Variants in DNAH3 observed in about 807,000 individuals in gnomAD.
The protein encoded by DNAH3 is axonemal beta dynein heavy chain 3.
A neutral mutation model predicts 432.5 loss-of-function variants in DNAH3; 332 were observed. The ratio of observed to expected loss-of-function variants is 0.77; its 90% CI spans 0.70 to 0.84. The LOEUF (loss-of-function observed/expected upper bound fraction) is 0.84. DNAH3 is among the 40% of genes least tolerant of loss of function. The pLI is 0.00. For missense variants in DNAH3, 4,861 were observed against 5,114.0 expected (o/e 0.95, Z 1.51); for synonymous variants, 1,956 against 1,900.2 (o/e 1.03, Z -0.76).
At chr16:21,152,769 C>T (rs2092868714) in intron 1 of DNAH3, among the ~76,000 whole-genome samples, 1 of 152,226 alleles carries the variant, frequency 6.6e-6, no homozygotes, top group South Asian at 2.1e-4. Flanking sequence ...TGTACTGGGT[C>T]CCCCAGCAGT....
intron 19 of DNAH3, among the ~76,000 whole-genome samples, chr16:21,083,821 A>C (rs1002397664): frequency 1.7e-4 from 26 of 152,010 alleles, no homozygotes; most frequent in African/African-American, 5.1e-4. Context: ...TGTGACCTAC[A>C]TACACTGCAG....
At chr16:20,972,966 T>C (rs545280057) in intron 51 of DNAH3, among the ~76,000 whole-genome samples, 1 of 151,770 alleles carries the variant, frequency 6.6e-6, no homozygotes, top group African/African-American at 2.4e-5. Context: ...TGACCTAAAG[T>C]GATGCACCTG....
chr16:21,048,137 G>A (rs1337601950), intron 31 of DNAH3, among the ~76,000 whole-genome samples: 1 of 152,250 alleles, frequency 6.6e-6, no homozygotes, highest in Non-Finnish European at 1.5e-5. Flanking sequence ...TTGTTTGTCT[G>A]TGCCCTGCCC....
chr16:21,089,750 C>T (rs941441413), intron 18 of DNAH3, among the ~76,000 whole-genome samples: 5 of 151,434 alleles, frequency 3.3e-5, no homozygotes, highest in African/African-American at 1.2e-4. Context: ...CAAGTTTCTA[C>T]CTTAAGTAAC....
rs375474549 is a variant in DNAH3, at chr16:20,965,312, G to A, written c.8572C>T (p.Arg2858Trp). Reference sequence around the variant, plus strand: ...TGATTGATAAACCTTTCCCGGATCCGCTTCATGGTCAGTGGGGGGATGTTG... The same window carrying A: ...TGATTGATAAACCTTTCCCGGATCCACTTCATGGTCAGTGGGGGGATGTTG... Residue 2858 changes from arginine to tryptophan, a missense_variant, in exon 53 of 62, where the codon CGG becomes TGG. By Grantham distance (101) the Arg-to-Trp change is moderately radical. Transcript: ENST00000261383. The A allele has an allele frequency of 5.0e-5, 80 of 1,612,334 alleles. No homozygotes were observed. Among genetic ancestry groups the A allele is most frequent in the Non-Finnish European group, 5.9e-5 (69 of 1,178,952 alleles).
chr16:21,042,553 ACT>A (rs1377993898), intron 31 of DNAH3, among the ~76,000 whole-genome samples: 1 of 151,174 alleles, frequency 6.6e-6, no homozygotes, highest in African/African-American at 2.4e-5. Flanking sequence ...AGAATTATAC[ACT>A]CTTTTGTGAT....
At chr16:21,157,559 G>A (rs983782342) in intron 1 of DNAH3, among the ~76,000 whole-genome samples, 17 of 151,988 alleles carry the variant, frequency 1.1e-4, no homozygotes, top group African/African-American at 3.9e-4. Flanking sequence ...GGAACTCCTG[G>A]CCTCAAGTGA....
intron 14 of DNAH3, 46 bp from the exon 15 acceptor site, chr16:21,106,720 C>A: frequency 7.3e-7 from 1 of 1,361,156 alleles, no homozygotes. Context: ...TCATCACCAT[C>A]ATCACCATCT....
chr16:20,963,668 G>C, exon 53 of DNAH3: 1 of 1,613,986 alleles, frequency 6.2e-7, no homozygotes, highest in South Asian at 1.1e-5. Context: ...TTGGGGTAGG[G>C]GTTATCCAGT....
At chr16:21,030,031 G>T (rs1003543795) in intron 37 of DNAH3, among the ~76,000 whole-genome samples, 4 of 151,968 alleles carry the variant, frequency 2.6e-5, no homozygotes, top group African/African-American at 4.8e-5. Flanking sequence ...TCACTGTGTT[G>T]CTCAAACTGG....
intron 44 of DNAH3, among the ~76,000 whole-genome samples, chr16:20,992,257 C>G (rs2086589010): frequency 6.6e-6 from 1 of 152,156 alleles, no homozygotes; most frequent in African/African-American, 2.4e-5. Context: ...TGTTGACAAC[C>G]AAGTCCTTTT....
exon 36 of DNAH3, chr16:21,034,013 A>G: frequency 6.2e-7 from 1 of 1,613,768 alleles, no homozygotes; most frequent in Non-Finnish European, 8.5e-7. Context: ...AACACTTTAT[A>G]AGCAGAGGTC....
At chr16:21,010,307 T>C (rs2087529524) in intron 41 of DNAH3, among the ~76,000 whole-genome samples, 1 of 152,108 alleles carries the variant, frequency 6.6e-6, no homozygotes, top group East Asian at 1.9e-4. Context: ...TGGTAATGAA[T>C]TGGTAAATGA....
chr16:21,140,674 G>A, exon 5 of DNAH3: 6 of 1,614,080 alleles, frequency 3.7e-6, no homozygotes, highest in Non-Finnish European at 5.1e-6. Context: ...CCTTCTTCAT[G>A]GGTGAGAAGA....
At chr16:21,145,093 C>A in intron 3 of DNAH3, 88 bp downstream of exon 4, 1 of 1,183,364 alleles carries the variant, frequency 8.5e-7, no homozygotes, top group South Asian at 1.4e-5. Flanking sequence ...GCCTGGGCGA[C>A]AGAGTGAGAC....
At chr16:21,132,633 C>T (rs4783525) in intron 7 of DNAH3, among the ~76,000 whole-genome samples, 42,920 of 152,078 alleles carry the variant, frequency 0.28, 6,195 homozygotes, top group African/African-American at 0.34. Context: ...TGAAAGACAC[C>T]AGACACAAAA....
At chr16:20,981,735 GATAAATAAATAA>G (rs907707159) in intron 49 of DNAH3, among the ~76,000 whole-genome samples, 1 of 151,326 alleles carries the variant, frequency 6.6e-6, no homozygotes, top group Admixed American at 6.6e-5. Context: ...AAAATAAATA[GATAAATAAATAA>G]ATAAATAAAA....
At chr16:21,134,431 T>C (rs762165229) in exon 7 of DNAH3, 22 of 1,613,890 alleles carry the variant, frequency 1.4e-5, no homozygotes, top group East Asian at 6.7e-5. Context: ...TTTCTCTCCA[T>C]TGGGTCCATG....
chr16:21,087,499 C>T lies in DNAH3; in HGVS notation c.2666-439G>A, dbSNP rs370786297. Among the ~76,000 whole-genome samples, 5 of 151,464 alleles carry T rather than the reference C, an allele frequency of 3.3e-5. No homozygotes were observed. In the South Asian group the frequency reaches 6.3e-4, roughly 19 times the overall value. On this transcript the variant is annotated intron_variant, in intron 18 of 61. Coordinates refer to ENST00000261383, the Ensembl canonical transcript of DNAH3. Reference sequence around the variant, plus strand: ...AGCAGTTTGAGACCAGCCTGGGCAACATAGTGAGACCCCATCTCTACAAAA... The same window carrying T: ...AGCAGTTTGAGACCAGCCTGGGCAATATAGTGAGACCCCATCTCTACAAAA...
Sources: allele counts gnomAD v4.1 joint callset (sites outside exome capture counted in the v4.1 genomes callset), GRCh38; gene constraint gnomAD v4.1.1; transcripts MANE v1.5; gene names NCBI Gene and HGNC (gene_info 2026-07-23, HGNC 2026-07-21).